The following SHANK2 variants were observed in gnomAD, a reference collection of about 807,000 sequenced individuals.
SHANK2 encodes SH3 and multiple ankyrin repeat domains protein 2.
A neutral mutation model predicts 133.7 loss-of-function variants in SHANK2; 43 were observed. That is an observed-to-expected ratio of 0.32 (90% CI 0.25 to 0.41). The LOEUF (loss-of-function observed/expected upper bound fraction) is 0.41, where lower values mean the gene tolerates loss of function less well. SHANK2 is among the 10% of genes least tolerant of loss of function. SHANK2 has a pLI of 1.00. For missense variants in SHANK2, 1,994 were observed against 2,235.8 expected (o/e 0.89, Z 2.18); for synonymous variants, 1,017 against 952.8 (o/e 1.07, Z -1.24).
At chr11:71,104,790 A>C (rs1555097448) in intron 6 of SHANK2, among the ~76,000 whole-genome samples, 2 of 152,090 alleles carry the variant, frequency 1.3e-5, no homozygotes, top group Non-Finnish European at 2.9e-5. Context: ...AACAAATGAG[A>C]ATTCTTGAGA....
In SHANK2 at chr11:70,617,026, CGT is replaced by C. The variant is rs1162754267; in HGVS notation, c.2061+42800_2061+42801del. 3.2e-4 allele frequency among the ~76,000 whole-genome samples: 48 copies of C among 151,176 alleles called. 1 individual carries two copies. Among genetic ancestry groups the C allele is most frequent in the Admixed American group, 2.3e-3 (35 of 15,196 alleles). On this transcript the variant is annotated intron_variant, in intron 17 of 25. Coordinates refer to ENST00000601538, the MANE Select transcript of SHANK2 (RefSeq NM_012309.5). ...GTGTCACTGAGTGTGTGCCTATGAG[CGT>C]GTGTGTCTATGAGTGTGTGTGTAGG...
At position 70,823,282 on chromosome 11, in the gene SHANK2, C is replaced by T. The variant is rs868955040; in HGVS notation, c.1175-2600G>A. Among the ~76,000 whole-genome samples, 9 of 111,400 alleles carry T rather than the reference C, an allele frequency of 8.1e-5. No homozygotes were observed. The South Asian group carries it at 1.0e-3, about 13-fold the overall frequency. 73.1% of individuals were successfully genotyped at this position (111,400 alleles called of 152,430 possible). Reference sequence around the variant, plus strand: ...CAGAGTTCACGGGGGACAGAGGTGGCGCTGGCAGAGTTCATGGGGGACAGA... The same window carrying T: ...CAGAGTTCACGGGGGACAGAGGTGGTGCTGGCAGAGTTCATGGGGGACAGA... On this transcript the variant is annotated intron_variant, in intron 11 of 25. Coordinates refer to ENST00000601538, the MANE Select transcript of SHANK2 (RefSeq NM_012309.5).
intron 17 of SHANK2, among the ~76,000 whole-genome samples, chr11:70,532,037 C>A (rs1324484398): frequency 6.6e-6 from 1 of 152,142 alleles, no homozygotes; most frequent in East Asian, 1.9e-4. Context: ...TTTCCTCCAA[C>A]CTGGGCTTCT....
intron 16 of SHANK2, among the ~76,000 whole-genome samples, chr11:70,660,889 G>A (rs2061477820): frequency 6.6e-6 from 1 of 152,222 alleles, no homozygotes; most frequent in South Asian, 2.1e-4. Context: ...CCACATGGCT[G>A]AGCCACACAC....
intron 10 of SHANK2, among the ~76,000 whole-genome samples, chr11:70,932,456 A>G (rs1399775642): frequency 1.3e-5 from 2 of 152,248 alleles, no homozygotes; most frequent in African/African-American, 4.8e-5. Flanking sequence ...AGATGCATGG[A>G]AACTGTCCAG....
Position 70,700,993 on chromosome 11 carries a change from T to C in SHANK2, c.1778-2230A>G, listed in dbSNP as rs554916538. On this transcript the variant is annotated intron_variant, in intron 14 of 25. Transcript: ENST00000601538. The stretch of plus-strand genomic sequence containing the variant: ...CACAGGGACTGGCTGTTAATTGCTA[T>C]TATTACTTTTAATTGTCTCTGCTCC... Among the ~76,000 whole-genome samples the C allele has an allele frequency of 1.8e-4, 27 of 152,338 alleles. No individual in the cohort carries two copies. In the South Asian group the frequency reaches 5.4e-3, roughly 30 times the overall value.
intron 17 of SHANK2, among the ~76,000 whole-genome samples, chr11:70,606,093 T>G (rs931317910): frequency 1.3e-5 from 2 of 152,082 alleles, no homozygotes; most frequent in East Asian, 3.9e-4. Context: ...CCAGGAAGTG[T>G]GCATGGCAGG....
At chr11:70,838,167 C>T (rs1399999185) in intron 11 of SHANK2, among the ~76,000 whole-genome samples, 1 of 152,058 alleles carries the variant, frequency 6.6e-6, no homozygotes, top group Non-Finnish European at 1.5e-5. Flanking sequence ...TTCTGGAAGA[C>T]CTGGGGCAGG....
At chr11:70,732,352 AC>A (rs1470478289) in intron 14 of SHANK2, among the ~76,000 whole-genome samples, 4 of 151,800 alleles carry the variant, frequency 2.6e-5, no homozygotes, top group South Asian at 2.1e-4. Context: ...GGCCTGAGCC[AC>A]CTTCCTCTCT....
chr11:70,657,215 G>A (rs1246910730), intron 17 of SHANK2, among the ~76,000 whole-genome samples: 2 of 152,146 alleles, frequency 1.3e-5, no homozygotes, highest in African/African-American at 4.8e-5. Context: ...TGCATTTTGG[G>A]CAGCTTTTCA....
At chr11:70,703,647 G>C (rs1945592605) in intron 14 of SHANK2, among the ~76,000 whole-genome samples, 1 of 152,232 alleles carries the variant, frequency 6.6e-6, no homozygotes, top group South Asian at 2.1e-4. Context: ...AGGCAGACGA[G>C]GGGAGGAGCA....
Position 70,828,154 on chromosome 11 carries a change from C to A in SHANK2, c.1175-7472G>T, listed in dbSNP as rs373381198. On this transcript the variant is annotated intron_variant, in intron 11 of 25. Transcript: ENST00000601538. Reference sequence around the variant, plus strand: ...AAAACATTAGCCGGGTGTGGTCGTGCGCCTGTGGTCCCAGCTACTCAGGAG... The same window carrying A: ...AAAACATTAGCCGGGTGTGGTCGTGAGCCTGTGGTCCCAGCTACTCAGGAG... 2.6e-5 allele frequency among the ~76,000 whole-genome samples: 4 copies of A among 152,214 alleles called. No individual in the cohort carries two copies. In the East Asian group the frequency reaches 7.7e-4, roughly 29 times the overall value.
chr11:70,511,339 C>T (rs1298985922), intron 17 of SHANK2, among the ~76,000 whole-genome samples: 3 of 152,206 alleles, frequency 2.0e-5, no homozygotes, highest in African/African-American at 7.2e-5. Context: ...TTAAACAAAC[C>T]TAAAATCAGT....
At chr11:70,818,076 A>AC (rs1175966020) in intron 12 of SHANK2, among the ~76,000 whole-genome samples, 5 of 152,160 alleles carry the variant, frequency 3.3e-5, no homozygotes, top group Non-Finnish European at 7.3e-5. Context: ...ATTGGGTTTT[A>AC]CCTGCCCAAG....
intron 1 of SHANK2, among the ~76,000 whole-genome samples, chr11:71,248,734 A>AT (rs1241381349): frequency 2.0e-5 from 3 of 152,130 alleles, no homozygotes; most frequent in Non-Finnish European, 4.4e-5. Context: ...CATTCTGCCA[A>AT]AGGCCCATGT....
chr11:70,754,249 T>C (rs1946817281), intron 14 of SHANK2, among the ~76,000 whole-genome samples: 1 of 152,184 alleles, frequency 6.6e-6, no homozygotes, highest in Non-Finnish European at 1.5e-5. Context: ...GAGGGAACGC[T>C]TCCCAAATTA....
At chr11:71,114,650 C>T (rs941671009) in intron 4 of SHANK2, among the ~76,000 whole-genome samples, 1 of 152,134 alleles carries the variant, frequency 6.6e-6, no homozygotes, top group African/African-American at 2.4e-5. Context: ...TTTCCCAGAA[C>T]AGAGCAGGCA....
chr11:70,714,528 A>G (rs1009557345), intron 14 of SHANK2, among the ~76,000 whole-genome samples: 15 of 152,244 alleles, frequency 9.9e-5, no homozygotes, highest in Admixed American at 5.9e-4. Context: ...CTATAACACA[A>G]TCAGCAACTG....
intron 11 of SHANK2, among the ~76,000 whole-genome samples, chr11:70,860,207 G>C (rs1555067520): frequency 6.6e-6 from 1 of 152,118 alleles, no homozygotes; most frequent in East Asian, 1.9e-4. Flanking sequence ...TATCACACCT[G>C]GTCAAACCTT....
Sources: allele counts gnomAD v4.1 joint callset (sites outside exome capture counted in the v4.1 genomes callset), GRCh38; gene constraint gnomAD v4.1.1; transcripts MANE v1.5; gene names NCBI Gene and HGNC (gene_info 2026-07-23, HGNC 2026-07-21).